The following RBFOX1 variants were observed in gnomAD, a reference collection of about 807,000 sequenced individuals.
The protein encoded by RBFOX1 is RNA binding protein fox-1 homolog 1.
Under a neutral mutation model 57.7 loss-of-function variants are expected in RBFOX1, and 8 were observed. The observed-to-expected ratio is 0.14, with a 90% CI of 0.08 to 0.25. RBFOX1 has a LOEUF of 0.25. Among genes scored for constraint, RBFOX1 ranks in the 10% least tolerant of loss-of-function variants. The pLI is 1.00. For synonymous variants in RBFOX1, 326 were observed against 222.4 expected (o/e 1.47, Z -4.15); for missense variants, 611 against 548.5 (o/e 1.11, Z -1.14).
intron 2 of RBFOX1, among the ~76,000 whole-genome samples, chr16:6,509,680 A>C (rs190805279): frequency 1.4e-3 from 219 of 152,302 alleles, no homozygotes; most frequent in African/African-American, 4.9e-3. Context: ...AAATAAGTAA[A>C]AGAGTATAAT....
At chr16:6,680,139 C>T (rs1248584602) in intron 3 of RBFOX1, among the ~76,000 whole-genome samples, 2 of 151,984 alleles carry the variant, frequency 1.3e-5, no homozygotes, top group Non-Finnish European at 2.9e-5. Context: ...AGGACTACCA[C>T]ATAGGGTTGT....
intron 3 of RBFOX1, among the ~76,000 whole-genome samples, chr16:6,686,698 C>T (rs145733956): frequency 2.0e-5 from 3 of 152,090 alleles, no homozygotes; most frequent in African/African-American, 7.2e-5. Flanking sequence ...GCTAAGGGAA[C>T]GCAATTGTGA....
chr16:6,692,722 A>C (rs535890636), intron 3 of RBFOX1, among the ~76,000 whole-genome samples: 1 of 152,220 alleles, frequency 6.6e-6, no homozygotes, highest in South Asian at 2.1e-4. Flanking sequence ...ACTCCAAGTC[A>C]GAGTAATGTC....
rs2084161790 is a variant in RBFOX1, at chr16:7,712,572, G to A, written c.*1827G>A. On this transcript the variant is annotated 3_prime_UTR_variant, in exon 16 of 16. Transcript: ENST00000550418. The stretch of plus-strand genomic sequence containing the variant: ...GAAAAGAGAAAAGGGGGAGGGGGGA[G>A]CTACTTATCAGCCAAAAGCATATAA... 1 of 152,524 alleles carries A rather than the reference G, an allele frequency of 6.6e-6. No homozygotes were observed. Among genetic ancestry groups the A allele is most frequent in the African/African-American group, 2.4e-5 (1 of 41,414 alleles). The allele number at this position is 152,524 out of a possible 1,614,324, so 9.4% of individuals were successfully genotyped here.
chr16:7,653,477 GCC>G (rs2065554077), intron 11 of RBFOX1, among the ~76,000 whole-genome samples: 1 of 152,158 alleles, frequency 6.6e-6, no homozygotes, highest in Non-Finnish European at 1.5e-5. Context: ...CTGCACTCCA[GCC>G]TGGGTGACAG....
chr16:5,934,093 C>T (rs2059122258), intron 4 of RBFOX1, among the ~76,000 whole-genome samples: 1 of 152,214 alleles, frequency 6.6e-6, no homozygotes, highest in Non-Finnish European at 1.5e-5. Context: ...CCTCCAGCCC[C>T]ATCCATGTTC....
At chr16:5,699,856 C>T (rs567640655) in intron 3 of RBFOX1, among the ~76,000 whole-genome samples, 166 of 152,190 alleles carry the variant, frequency 1.1e-3, no homozygotes, top group African/African-American at 3.5e-3. Flanking sequence ...ATTTTTAAGA[C>T]GGAGTCTTGC....
chr16:7,637,525 A>G (rs1174352538), intron 11 of RBFOX1, among the ~76,000 whole-genome samples: 2 of 152,220 alleles, frequency 1.3e-5, no homozygotes, highest in African/African-American at 2.4e-5. Flanking sequence ...TAGGTAATTG[A>G]TAGAACTTCC....
At chr16:7,152,179 G>A (rs1222654994) in intron 4 of RBFOX1, among the ~76,000 whole-genome samples, 1 of 152,156 alleles carries the variant, frequency 6.6e-6, no homozygotes, top group African/African-American at 2.4e-5. Context: ...CTGATTCTTG[G>A]AGTTAGAAGG....
chr16:7,684,853 C>T (rs984195879), intron 14 of RBFOX1, among the ~76,000 whole-genome samples: 1 of 152,112 alleles, frequency 6.6e-6, no homozygotes, highest in African/African-American at 2.4e-5. Context: ...ACAATACCAG[C>T]TTCCCTGTTT....
Position 6,098,219 on chromosome 16 carries a change from G to T in RBFOX1, c.-127+78227G>T, listed in dbSNP as rs562034882. ...TGGGAGGGCCTGTGTGACAGGCACT[G>T]GTACCTTTATTTCACAGATGGAGAG... On this transcript the variant is annotated intron_variant, in intron 1 of 15. Transcript: ENST00000550418. Among the ~76,000 whole-genome samples the T allele has an allele frequency of 2.0e-3, 311 of 152,306 alleles. 1 individual carries two copies. The highest frequency in any genetic ancestry group is 3.5e-3 in the Non-Finnish European group (235 of 68,022).
intron 4 of RBFOX1, among the ~76,000 whole-genome samples, chr16:7,096,224 T>C (rs1396409349): frequency 1.3e-5 from 2 of 152,032 alleles, no homozygotes; most frequent in African/African-American, 2.4e-5. Context: ...AAAAGTGTTA[T>C]TGCTAAAACT....
chr16:7,630,481 C>T, intron 10 of RBFOX1, 122 bp from the exon 11 acceptor site: 1 of 1,531,496 alleles, frequency 6.5e-7, no homozygotes, highest in Non-Finnish European at 8.7e-7. Context: ...GTACCCTTGT[C>T]CTGCGCTCTG....
chr16:6,213,595 A>G (rs1174632196), intron 1 of RBFOX1, among the ~76,000 whole-genome samples: 1 of 152,208 alleles, frequency 6.6e-6, no homozygotes. Context: ...CCAATTGTTT[A>G]TAACATGTAT....
At chr16:7,021,695 C>T (rs970523017) in intron 3 of RBFOX1, among the ~76,000 whole-genome samples, 4 of 149,114 alleles carry the variant, frequency 2.7e-5, no homozygotes, top group African/African-American at 7.4e-5. Context: ...ATTAAGTGTC[C>T]ATCATAGTAT....
intron 1 of RBFOX1, among the ~76,000 whole-genome samples, chr16:6,253,356 G>A (rs2152580070): frequency 6.6e-6 from 1 of 152,278 alleles, no homozygotes; most frequent in African/African-American, 2.4e-5. Flanking sequence ...GACACAAGCT[G>A]TGGGCTACGC....
At chr16:7,655,288 T>C (rs1198685335) in intron 12 of RBFOX1, among the ~76,000 whole-genome samples, 1 of 152,216 alleles carries the variant, frequency 6.6e-6, no homozygotes, top group African/African-American at 2.4e-5. Context: ...GGAAAAGTAG[T>C]AAGACAAAGT....
intron 3 of RBFOX1, among the ~76,000 whole-genome samples, chr16:5,778,706 C>A (rs1022997460): frequency 6.6e-6 from 1 of 152,094 alleles, no homozygotes; most frequent in South Asian, 2.1e-4. Flanking sequence ...GGGTGGGGAT[C>A]CCTTCTTCAC....
intron 2 of RBFOX1, among the ~76,000 whole-genome samples, chr16:6,355,828 G>A (rs528871913): frequency 1.6e-4 from 24 of 152,082 alleles, no homozygotes; most frequent in African/African-American, 4.1e-4. Context: ...TTCGCCCTTC[G>A]TATTCTATAT....
Sources: gnomAD v4.1 joint callset for allele counts (sites outside exome capture counted in the v4.1 genomes callset) on GRCh38, gnomAD v4.1.1 for gene constraint, MANE v1.5 for transcripts, NCBI Gene and HGNC (gene_info 2026-07-23, HGNC 2026-07-21) for gene names.